Variants in STRN observed in about 807,000 individuals in gnomAD.
The protein encoded by STRN is striatin.
In STRN, 53 loss-of-function variants were observed where a neutral mutation model predicts 96.3. The observed-to-expected ratio is 0.55, with a 90% confidence interval of 0.44 to 0.69. STRN has a LOEUF of 0.69. Among genes scored for constraint, STRN ranks in the 30% least tolerant of loss-of-function variants. STRN has a pLI of 0.00. For synonymous variants in STRN, 428 were observed against 355.9 expected, an observed-to-expected ratio of 1.20 and a Z score of -2.28; for missense variants, 987 against 963.9, an observed-to-expected ratio of 1.02 and a Z score of -0.32.
intron 1 of STRN, among the ~76,000 whole-genome samples, chr2:36,946,593 A>C (rs934702945): frequency 6.6e-6 from 1 of 152,248 alleles, no homozygotes; most frequent in African/African-American, 2.4e-5. Context: ...AATGTGGTAT[A>C]CACTAAATTG....
At chr2:36,862,310 T>C (rs970601062) in intron 12 of STRN, among the ~76,000 whole-genome samples, 3 of 152,176 alleles carry the variant, frequency 2.0e-5, no homozygotes, top group Non-Finnish European at 2.9e-5. Context: ...TCAAACTTCT[T>C]TGAGAAATCA....
chr2:36,888,796 T>A (rs2148181580), intron 7 of STRN, among the ~76,000 whole-genome samples: 1 of 152,200 alleles, frequency 6.6e-6, no homozygotes, highest in South Asian at 2.1e-4. Flanking sequence ...TCCTCCCACC[T>A]CTGCCCTGCA....
chr2:36,874,629 A>G (rs1283293776), intron 10 of STRN, among the ~76,000 whole-genome samples: 1 of 151,830 alleles, frequency 6.6e-6, no homozygotes, highest in Non-Finnish European at 1.5e-5. Flanking sequence ...AAAAAATCAG[A>G]CTACCATTAA....
In STRN at chr2:36,841,464, AAAAT is replaced by A. The variant is rs1000047534; in HGVS notation, c.*7988_*7991del. ...AGACCACCGAGTTTTTCTTTTTCTA[AAAAT>A]CACACTGAGTGATATTATTCTATCA... On this transcript the variant is annotated 3_prime_UTR_variant, in exon 18 of 18. Transcript: ENST00000263918. 2.0e-5 allele frequency: 3 copies of A among 152,166 alleles called. No individual in the cohort carries two copies. The highest frequency in any genetic ancestry group is 7.2e-5 in the African/African-American group (3 of 41,434). The allele number at this position is 152,166 out of a possible 1,614,324, so 9.4% of individuals were successfully genotyped here.
At chr2:36,923,530 T>C (rs1372415906) in intron 2 of STRN, among the ~76,000 whole-genome samples, 1 of 152,034 alleles carries the variant, frequency 6.6e-6, no homozygotes, top group Non-Finnish European at 1.5e-5. Context: ...CTAATACAGC[T>C]TTTCATCAAC....
intron 3 of STRN, among the ~76,000 whole-genome samples, chr2:36,915,234 T>TAA (rs1379192089): frequency 3.4e-5 from 1 of 29,320 alleles, no homozygotes; most frequent in East Asian, 7.9e-4. Flanking sequence ...AATACATAAA[T>TAA]ATATATATAT....
At position 36,886,726 on chromosome 2, in the gene STRN, C is replaced by T; in HGVS notation, c.1032G>A (p.Lys344=). Residue 344 remains lysine, a synonymous_variant, in exon 8 of 18, where the codon AAG becomes AAA. Coordinates refer to ENST00000263918, the MANE Select transcript of STRN (RefSeq NM_003162.4). ...ATGTTTTCCACTTACTCTTCACCCC[C>T]TTTTTCCCCTTTCTCTCCTTTTTGT... ...EQYKKERKGK[K]GVKRPNRSKL... 8 of 1,609,852 alleles carry T rather than the reference C, an allele frequency of 5.0e-6. No homozygotes were observed. The highest frequency in any genetic ancestry group is 1.1e-5 in the South Asian group (1 of 90,530).
At chr2:36,948,392 G>A (rs568556799) in intron 1 of STRN, among the ~76,000 whole-genome samples, 12 of 152,126 alleles carry the variant, frequency 7.9e-5, no homozygotes, top group Non-Finnish European at 1.2e-4. Context: ...GATCCACCGC[G>A]TCCAGCCAGT....
chr2:36,896,675 T>C (rs940046325), intron 6 of STRN, among the ~76,000 whole-genome samples: 3 of 152,192 alleles, frequency 2.0e-5, no homozygotes, highest in Non-Finnish European at 4.4e-5. Context: ...GGATTCTTTA[T>C]ACTGTGGCTA....
chr2:36,890,641 G>A (rs186139428), intron 7 of STRN, among the ~76,000 whole-genome samples: 1 of 151,862 alleles, frequency 6.6e-6, no homozygotes, highest in Non-Finnish European at 1.5e-5. Flanking sequence ...CCGCCCCAAT[G>A]CCCAGCTAAT....
chr2:36,863,698 G>C (rs1369504494), intron 12 of STRN, among the ~76,000 whole-genome samples: 1 of 152,180 alleles, frequency 6.6e-6, no homozygotes, highest in South Asian at 2.1e-4. Context: ...CTGTTAGAAT[G>C]TCATTGGTAG....
intron 1 of STRN, among the ~76,000 whole-genome samples, chr2:36,950,126 G>A (rs1048151119): frequency 6.6e-6 from 1 of 151,540 alleles, no homozygotes; most frequent in Non-Finnish European, 1.5e-5. Flanking sequence ...AAATGAAGGA[G>A]AATGAGGGAC....
At position 36,902,572 on chromosome 2, in the gene STRN, C is replaced by A. The variant is rs1434641169; in HGVS notation, c.659+12G>T. On this transcript the variant is annotated intron_variant, in intron 5 of 17. Transcript: ENST00000263918. ...AATAATAGCTAAAACACTTTCCAGACAAAATACTTACGCAATCATTGCTGT... is the reference window on the plus strand; with the variant it reads ...AATAATAGCTAAAACACTTTCCAGAAAAAATACTTACGCAATCATTGCTGT... The A allele has an allele frequency of 1.3e-6, 2 of 1,582,150 alleles. No homozygotes were observed. Among genetic ancestry groups the A allele is most frequent in the East Asian group, 2.3e-5 (1 of 43,830 alleles).
Position 36,883,920 on chromosome 2 carries a change from T to C in STRN, c.1186+12A>G. 1.5e-6 allele frequency: 2 copies of C among 1,347,212 alleles called. No homozygotes were observed. The highest frequency in any genetic ancestry group is 1.9e-6 in the Non-Finnish European group (2 of 1,041,610). The allele number at this position is 1,347,212 out of a possible 1,614,324, so 83.5% of individuals were successfully genotyped here. A position where few individuals can be genotyped will look rare whatever the true frequency, so the allele number is the denominator to read the frequency against. ...AGTGCATTTTGTGCTCCAGAGTATC[T>C]TAAATACTTACCTTCATCTGCCCTA... On this transcript the variant is annotated intron_variant, in intron 9 of 17. Transcript: ENST00000263918.
chr2:36,958,797 AAGG>A (rs1191626251), intron 1 of STRN, among the ~76,000 whole-genome samples: 3 of 152,172 alleles, frequency 2.0e-5, no homozygotes. Flanking sequence ...CCACAAATTC[AAGG>A]AGTCTAATGA....
At chr2:36,918,648 T>C (rs572242601) in intron 2 of STRN, among the ~76,000 whole-genome samples, 2 of 152,146 alleles carry the variant, frequency 1.3e-5, no homozygotes, top group Admixed American at 6.5e-5. Flanking sequence ...GGCAAAAATA[T>C]GTAAAGAACT....
intron 7 of STRN, among the ~76,000 whole-genome samples, chr2:36,893,474 G>A (rs1302942529): frequency 6.6e-6 from 1 of 151,748 alleles, no homozygotes; most frequent in African/African-American, 2.4e-5. Context: ...TGCCTTTTAC[G>A]AACTGTCAAA....
intron 2 of STRN, among the ~76,000 whole-genome samples, chr2:36,924,238 C>T (rs539897582): frequency 6.6e-6 from 1 of 151,918 alleles, no homozygotes; most frequent in Admixed American, 6.6e-5. Flanking sequence ...CACCTGTAGT[C>T]CCAGCTACTT....
At chr2:36,927,431 C>A (rs1285745405) in intron 1 of STRN, among the ~76,000 whole-genome samples, 3 of 150,778 alleles carry the variant, frequency 2.0e-5, no homozygotes, top group Admixed American at 1.3e-4. Context: ...ATCACCTCAG[C>A]CCAGGAGGCC....
Sources: gnomAD v4.1 joint callset for allele counts (sites outside exome capture counted in the v4.1 genomes callset) on GRCh38, gnomAD v4.1.1 for gene constraint, MANE v1.5 for transcripts, NCBI Gene and HGNC (gene_info 2026-07-23, HGNC 2026-07-21) for gene names.